The following DMD variants were observed in gnomAD, a reference collection of about 807,000 sequenced individuals.
The protein encoded by DMD is mutant dystrophin.
Under a neutral mutation model 330.1 loss-of-function variants are expected in DMD, and 63 were observed. That is an observed-to-expected ratio of 0.19 (90% CI 0.16 to 0.24). DMD has a LOEUF of 0.24. DMD is among the 10% of genes least tolerant of loss of function. The pLI is 1.00. For synonymous variants in DMD, 1,223 were observed against 959.8 expected, an observed-to-expected ratio of 1.27 and a Z score of -5.07; for missense variants, 3,344 against 2,684.1, an observed-to-expected ratio of 1.25 and a Z score of -5.43.
At chrX:32,477,300 TA>T (rs764046645) in intron 21 of DMD, among the ~76,000 whole-genome samples, 4,006 of 104,046 alleles carry the variant, frequency 0.039, 238 homozygotes, top group African/African-American at 0.13. Flanking sequence ...TCTTGAAAAG[TA>T]AAAAAAAAAA....
intron 44 of DMD, among the ~76,000 whole-genome samples, chrX:32,142,305 A>G (rs2096757402): frequency 8.9e-6 from 1 of 112,004 alleles, no homozygotes; most frequent in African/African-American, 3.2e-5. Flanking sequence ...TATTGTCAGA[A>G]GACTACATAG....
At chrX:32,531,886 T>C (rs935129715) in intron 17 of DMD, among the ~76,000 whole-genome samples, 1 of 111,970 alleles carries the variant, frequency 8.9e-6, no homozygotes, top group African/African-American at 3.2e-5. Context: ...AATATCAGGA[T>C]ATTAATTCTG....
chrX:32,207,105 G>A (rs2097072982), intron 44 of DMD, among the ~76,000 whole-genome samples: 2 of 111,726 alleles, frequency 1.8e-5, no homozygotes, highest in Non-Finnish European at 1.9e-5. Flanking sequence ...GGGTGCAACA[G>A]CTAGGGTAGC....
intron 4 of DMD, among the ~76,000 whole-genome samples, chrX:32,836,385 T>A (rs1387766606): frequency 3.6e-5 from 4 of 111,066 alleles, no homozygotes; most frequent in Non-Finnish European, 5.7e-5. Flanking sequence ...AAACCCGTTT[T>A]TGGTTTCTAT....
chrX:31,649,574 G>A (rs1260953569), intron 54 of DMD, among the ~76,000 whole-genome samples: 4 of 108,769 alleles, frequency 3.7e-5, no homozygotes, highest in Non-Finnish European at 7.6e-5. Context: ...ACTGTAGAAT[G>A]CAGAGAATTT....
intron 55 of DMD, among the ~76,000 whole-genome samples, chrX:31,589,435 G>A (rs1458699009): frequency 9.0e-6 from 1 of 111,333 alleles, no homozygotes; most frequent in African/African-American, 3.3e-5. Flanking sequence ...AAGGAAAGCG[G>A]GTAGGGGTTA....
At position 32,491,996 on chromosome X, in the gene DMD, G is replaced by GA. The variant is rs200698384; in HGVS notation, c.2381-479dup. On this transcript the variant is annotated intron_variant, in intron 19 of 78. Transcript: ENST00000357033. ...AGTATTTTCATAGTTTTAAAAAGAG[G>GA]AAAAAAAATCCAAGATTATTCTTTA... Among the ~76,000 whole-genome samples the GA allele has an allele frequency of 2.5e-3, 276 of 110,706 alleles. 3 individuals carry two copies. In the South Asian group the frequency reaches 0.054, roughly 22 times the overall value.
intron 60 of DMD, among the ~76,000 whole-genome samples, chrX:31,381,198 C>G (rs956290518): frequency 9.0e-6 from 1 of 111,140 alleles, no homozygotes; most frequent in Non-Finnish European, 1.9e-5. Context: ...TGCTCCCACC[C>G]GAGCTCTCCC....
At chrX:31,668,204 C>T (rs1462083960) in intron 53 of DMD, among the ~76,000 whole-genome samples, 5 of 111,385 alleles carry the variant, frequency 4.5e-5, no homozygotes, top group African/African-American at 9.7e-5. Flanking sequence ...TATTTTTACC[C>T]ATTCTGAGGA....
At chrX:31,955,850 G>GT (rs2150122819) in intron 45 of DMD, among the ~76,000 whole-genome samples, 1 of 112,089 alleles carries the variant, frequency 8.9e-6, no homozygotes, top group South Asian at 3.7e-4. Context: ...AGCTACATAT[G>GT]TAGGTCTAAT....
At chrX:32,059,181 G>T (rs1348733857) in intron 44 of DMD, among the ~76,000 whole-genome samples, 2 of 110,997 alleles carry the variant, frequency 1.8e-5, no homozygotes, top group Middle Eastern at 4.3e-3. Flanking sequence ...GCAACATTTT[G>T]CTTATATTTA....
chrX:32,990,657 C>G (rs1409200047), intron 2 of DMD, among the ~76,000 whole-genome samples: 1 of 111,637 alleles, frequency 9.0e-6, no homozygotes, highest in East Asian at 2.8e-4. Context: ...TAACTACAAC[C>G]ACCTGAACTG....
At chrX:32,896,553 C>T (rs1272331048) in intron 2 of DMD, among the ~76,000 whole-genome samples, 1 of 111,630 alleles carries the variant, frequency 9.0e-6, no homozygotes, top group Non-Finnish European at 1.9e-5. Flanking sequence ...CTGATGGGGT[C>T]TAGGGATAGA....
At chrX:31,623,247 T>C (rs1433908565) in intron 55 of DMD, among the ~76,000 whole-genome samples, 1 of 111,221 alleles carries the variant, frequency 9.0e-6, no homozygotes, top group East Asian at 2.8e-4. Context: ...GAGAAACTTC[T>C]CCAATTTTAT....
intron 61 of DMD, among the ~76,000 whole-genome samples, chrX:31,340,134 T>C (rs1472785580): frequency 8.9e-6 from 1 of 112,444 alleles, no homozygotes; most frequent in Admixed American, 9.4e-5. Context: ...AAGGAGAAAC[T>C]GTAAAAGCTT....
chrX:32,284,896 G>A (rs1178407389), intron 43 of DMD, among the ~76,000 whole-genome samples: 1 of 111,679 alleles, frequency 9.0e-6, no homozygotes, highest in African/African-American at 3.3e-5. Context: ...GATCTATTGG[G>A]GCTAGAGAAA....
intron 61 of DMD, among the ~76,000 whole-genome samples, chrX:31,339,798 C>T (rs1315794963): frequency 8.9e-6 from 1 of 112,186 alleles, no homozygotes; most frequent in African/African-American, 3.2e-5. Flanking sequence ...TGGTCTTGAA[C>T]TCCTGACCTC....
intron 63 of DMD, 144 bp from the exon 64 acceptor site, chrX:31,223,265 G>A (rs1186398886): frequency 1.7e-5 from 9 of 535,675 alleles, no homozygotes; most frequent in South Asian, 1.4e-4. Flanking sequence ...CCAAGCTTTC[G>A]GAGGTGAAAA....
At chrX:32,991,552 T>G (rs1268136807) in intron 2 of DMD, among the ~76,000 whole-genome samples, 2 of 112,370 alleles carry the variant, frequency 1.8e-5, no homozygotes, top group African/African-American at 6.5e-5. Flanking sequence ...TTTCACTAAT[T>G]TAAATTCAAA....
Sources: allele counts gnomAD v4.1 joint callset (sites outside exome capture counted in the v4.1 genomes callset), GRCh38; gene constraint gnomAD v4.1.1; transcripts MANE v1.5; gene names NCBI Gene and HGNC (gene_info 2026-07-23, HGNC 2026-07-21).